Variants in ZNF599 observed in about 807,000 individuals in gnomAD.
The protein encoded by ZNF599 is zinc finger protein 599.
Under a neutral mutation model 11.7 loss-of-function variants are expected in ZNF599, and 10 were observed. That is an observed-to-expected ratio of 0.86 (90% CI 0.53 to 1.45). The LOEUF (loss-of-function observed/expected upper bound fraction) is 1.45. Ranked by LOEUF, ZNF599 falls within the 40% of genes most tolerant of loss-of-function variation. ZNF599 has a pLI of 0.00. For missense variants in ZNF599, 688 were observed against 713.6 expected (o/e 0.96, Z 0.41); for synonymous variants, 232 against 253.2 (o/e 0.92, Z 0.79).
At chr19:34,776,970 A>G (rs775390823), upstream of ZNF599, among the ~76,000 whole-genome samples, 4 of 152,008 alleles carry the variant, frequency 2.6e-5, no homozygotes, top group Admixed American at 6.5e-5. Context: ...TGCCATGGCA[A>G]TGGTAAACTG....
the ZNF599 span, among the ~76,000 whole-genome samples, chr19:34,800,351 C>G: frequency 6.6e-6 from 1 of 152,130 alleles, no homozygotes. Flanking sequence ...ATATCTTTCT[C>G]CACCCCTTAA....
Position 34,766,021 on chromosome 19 carries a change from C to T in ZNF599, c.241+1295G>A, listed in dbSNP as rs118067437. On this transcript the variant is annotated intron_variant, in intron 3 of 3. Transcript: ENST00000329285. ...GATGGAGGTGTTGAGGGGTTGTCCA[C>T]GTTTGTTTTTAGCCTTCTCCACTCA... 5.6e-3 allele frequency among the ~76,000 whole-genome samples: 850 copies of T among 152,172 alleles called. 7 individuals carry two copies. Among genetic ancestry groups the T allele is most frequent in the African/African-American group, 0.02 (819 of 41,506 alleles).
the ZNF599 span, among the ~76,000 whole-genome samples, chr19:34,789,277 C>T: frequency 6.6e-6 from 1 of 152,106 alleles, no homozygotes; most frequent in Non-Finnish European, 1.5e-5. Context: ...TTAGGTTGTT[C>T]CCATAGCTTA....
chr19:34,793,289 G>C, the ZNF599 span, among the ~76,000 whole-genome samples: 3 of 152,286 alleles, frequency 2.0e-5, no homozygotes, highest in East Asian at 3.9e-4. Flanking sequence ...ATTGGGTCTA[G>C]AGTCAGCAGC....
At chr19:34,804,053 C>A in the ZNF599 span, among the ~76,000 whole-genome samples, 4 of 152,200 alleles carry the variant, frequency 2.6e-5, no homozygotes, top group Non-Finnish European at 4.4e-5. Flanking sequence ...CTGCCAAGGG[C>A]AACCCTTAAT....
At chr19:34,771,519 G>A (rs1428237561) in intron 1 of ZNF599, among the ~76,000 whole-genome samples, 2 of 152,146 alleles carry the variant, frequency 1.3e-5, no homozygotes, top group African/African-American at 2.4e-5. Flanking sequence ...TGCTCCTGTC[G>A]CACCCTAGGA....
the ZNF599 span, among the ~76,000 whole-genome samples, chr19:34,791,230 G>A: frequency 6.6e-6 from 1 of 152,202 alleles, no homozygotes; most frequent in African/African-American, 2.4e-5. Context: ...CAAATACCCA[G>A]TTTTTGTCAA....
upstream of ZNF599, among the ~76,000 whole-genome samples, chr19:34,777,501 T>A (rs182424322): frequency 9.0e-6 from 1 of 111,082 alleles, no homozygotes; most frequent in African/African-American, 3.6e-5. Flanking sequence ...TGATATATAT[T>A]AATATATTAT....
chr19:34,777,369 ATATATT>A (rs2069222527), upstream of ZNF599, among the ~76,000 whole-genome samples: 1 of 82,658 alleles, frequency 1.2e-5, no homozygotes, highest in African/African-American at 5.6e-5. Context: ...TTAATATATT[ATATATT>A]ATATATTAAT....
chr19:34,779,270 T>A, the ZNF599 span: 1 of 146,416 alleles, frequency 6.8e-6, no homozygotes, highest in Non-Finnish European at 1.5e-5. Context: ...TTTTTTTTTT[T>A]TCATTTTTTG....
chr19:34,780,812 G>C, the ZNF599 span, among the ~76,000 whole-genome samples: 2 of 149,700 alleles, frequency 1.3e-5, no homozygotes, highest in South Asian at 2.1e-4. Context: ...GAAAGAAAGA[G>C]AAAGAAAGAA....
At chr19:34,760,739 A>T (rs1427760468) in intron 3 of ZNF599, among the ~76,000 whole-genome samples, 180 bp from the exon 4 acceptor site, 3 of 152,188 alleles carry the variant, frequency 2.0e-5, no homozygotes, top group Non-Finnish European at 4.4e-5. Flanking sequence ...TGAGATCTTT[A>T]AAAGGAAACC....
At chr19:34,790,599 G>A in the ZNF599 span, among the ~76,000 whole-genome samples, 1 of 152,162 alleles carries the variant, frequency 6.6e-6, no homozygotes, top group African/African-American at 2.4e-5. Context: ...GAAGGCCTGG[G>A]GGGAGGAGGA....
intron 3 of ZNF599, 103 bp from the exon 4 acceptor site, chr19:34,760,662 G>T (rs2069107365): frequency 6.9e-6 from 7 of 1,011,074 alleles, no homozygotes; most frequent in Non-Finnish European, 7.0e-6. Context: ...CAGTGTCTCT[G>T]ATGCCTACTG....
chr19:34,802,519 G>C, the ZNF599 span, among the ~76,000 whole-genome samples: 1 of 152,222 alleles, frequency 6.6e-6, no homozygotes, highest in Non-Finnish European at 1.5e-5. Flanking sequence ...GTATGTGTGG[G>C]CCAGTGTTGG....
the ZNF599 span, among the ~76,000 whole-genome samples, chr19:34,803,056 G>T: frequency 6.6e-6 from 1 of 152,176 alleles, no homozygotes; most frequent in Non-Finnish European, 1.5e-5. Flanking sequence ...CTAGAGGAAG[G>T]GGGCAGAACC....
At chr19:34,776,841 A>G (rs1431500530), upstream of ZNF599, among the ~76,000 whole-genome samples, 1 of 152,188 alleles carries the variant, frequency 6.6e-6, no homozygotes, top group Non-Finnish European at 1.5e-5. Context: ...TCATATTTAT[A>G]CCCACTTTTA....
the ZNF599 span, among the ~76,000 whole-genome samples, chr19:34,794,342 C>G: frequency 6.6e-6 from 1 of 152,058 alleles, no homozygotes; most frequent in Admixed American, 6.6e-5. Context: ...TGTCACGGCA[C>G]TGGTGGGAGT....
Position 34,759,985 on chromosome 19 carries a change from C to T in ZNF599, c.816G>A (p.Glu272=), listed in dbSNP as rs141702315. The T allele has an allele frequency of 2.5e-4, 406 of 1,614,078 alleles. 2 individuals are homozygous for T. Among genetic ancestry groups the T allele is most frequent in the Admixed American group, 6.3e-4 (38 of 60,004 alleles). The change falls in exon 4 of 4, where the codon GAG becomes GAA. Residue 272 remains glutamate, a synonymous_variant. Transcript: ENST00000329285. ...KAFKRRFHLT[E]HQRIHTGDKP... is the part of the protein sequence containing the mutation. The stretch of plus-strand genomic sequence containing the variant: ...TATCTCCGGTGTGAATACGCTGGTG[C>T]TCCGTGAGGTGAAACCTGCGTTTGA...
Sources: gnomAD v4.1 joint callset for allele counts (sites outside exome capture counted in the v4.1 genomes callset) on GRCh38, gnomAD v4.1.1 for gene constraint, MANE v1.5 for transcripts, NCBI Gene and HGNC (gene_info 2026-07-23, HGNC 2026-07-21) for gene names.